CDKN2B-AS1: variants seen among roughly 807,000 people sequenced by gnomAD.
CDKN2B-AS1 encodes the protein CDKN2B and CDKN2A antisense cis and trans regulatory RNA 1.
intron 4 of CDKN2B-AS1, among the ~76,000 whole-genome samples, chr9:22,125,816 T>C (rs1235057625): frequency 6.6e-6 from 1 of 152,070 alleles, no homozygotes; most frequent in African/African-American, 2.4e-5. Flanking sequence ...GTTCAACAAA[T>C]TACAGTATAT....
At chr9:22,015,283 C>G (rs887750539) in intron 1 of CDKN2B-AS1, among the ~76,000 whole-genome samples, 12 of 151,400 alleles carry the variant, frequency 7.9e-5, no homozygotes, top group Admixed American at 3.9e-4. Context: ...TTTTTCCTGA[C>G]TTTTTTTTTC....
rs1337622486 is a variant in CDKN2B-AS1, at chr9:22,001,642, G to A, written n.29+6481G>A. On this transcript the variant is annotated intron_variant and non_coding_transcript_variant, in intron 1 of 4. Coordinates refer to ENST00000650946, the Ensembl canonical transcript of CDKN2B-AS1. This position sits in a 1 kb window ranked among gnomAD's most constrained non-coding sequence, Gnocchi z 4.2. ...ATTATGTAATTAATAGGGCCTATAT[G>A]TGAAAGTTACTGTGTTTCTGTAAAA... Among the ~76,000 whole-genome samples the A allele has an allele frequency of 6.6e-6, 1 of 152,074 alleles. No individual in the cohort carries two copies. The highest frequency in any genetic ancestry group is 6.6e-5 in the Admixed American group (1 of 15,258).
intron 4 of CDKN2B-AS1, among the ~76,000 whole-genome samples, chr9:22,059,577 T>C (rs1823725022): frequency 6.6e-6 from 1 of 152,130 alleles, no homozygotes; most frequent in African/African-American, 2.4e-5. Context: ...AGATGAATAG[T>C]GTAAGCTATT....
chr9:22,059,619 G>T (rs985151061), intron 4 of CDKN2B-AS1, among the ~76,000 whole-genome samples: 1 of 152,182 alleles, frequency 6.6e-6, no homozygotes, highest in Non-Finnish European at 1.5e-5. Flanking sequence ...TCTGAAGGAC[G>T]ATGGCCCTCT....
At chr9:22,056,311 G>C (rs1056102477) in exon 4 of CDKN2B-AS1, 4 of 149,002 alleles carry the variant, frequency 2.7e-5, no homozygotes, top group Non-Finnish European at 5.9e-5. Context: ...CTCGTGATTC[G>C]CCCGCCTCGG....
intron 1 of CDKN2B-AS1, among the ~76,000 whole-genome samples, chr9:22,014,532 G>T (rs1364201447): frequency 1.3e-5 from 2 of 152,012 alleles, no homozygotes; most frequent in Non-Finnish European, 2.9e-5. Flanking sequence ...ATGTAAGAAA[G>T]ACAGGATAAA....
chr9:22,048,845 T>C (rs747128541), intron 2 of CDKN2B-AS1, among the ~76,000 whole-genome samples: 1 of 152,174 alleles, frequency 6.6e-6, no homozygotes, highest in Non-Finnish European at 1.5e-5. Flanking sequence ...CAATGAGAAA[T>C]ATTTAATGGC....
chr9:22,033,758 G>T (rs1336152797), intron 1 of CDKN2B-AS1, among the ~76,000 whole-genome samples: 1 of 152,180 alleles, frequency 6.6e-6, no homozygotes, highest in African/African-American at 2.4e-5. Context: ...AGACTGAGGT[G>T]ATGCAGTTTC....
intron 4 of CDKN2B-AS1, among the ~76,000 whole-genome samples, chr9:22,103,061 A>C (rs1320608655): frequency 6.6e-6 from 1 of 151,900 alleles, no homozygotes; most frequent in East Asian, 1.9e-4. Flanking sequence ...TCTATCCAGA[A>C]AACTAGAAAT....
intron 1 of CDKN2B-AS1, among the ~76,000 whole-genome samples, chr9:21,998,428 T>G (rs1393261799): frequency 6.6e-6 from 1 of 152,222 alleles, no homozygotes; most frequent in Non-Finnish European, 1.5e-5. Context: ...GCTCAAATCT[T>G]GAACACTTCA....
chr9:22,075,625 C>G (rs1237228932), intron 4 of CDKN2B-AS1, among the ~76,000 whole-genome samples: 1 of 152,164 alleles, frequency 6.6e-6, no homozygotes, highest in Non-Finnish European at 1.5e-5. Flanking sequence ...TCTGTGACTT[C>G]TTTCCTGACA....
chr9:22,011,336 A>G (rs978828132), intron 1 of CDKN2B-AS1, among the ~76,000 whole-genome samples: 2 of 152,244 alleles, frequency 1.3e-5, no homozygotes, highest in East Asian at 1.9e-4. Flanking sequence ...TATAGTCTAT[A>G]TTTAGAAGAC....
intron 4 of CDKN2B-AS1, among the ~76,000 whole-genome samples, chr9:22,114,114 G>A (rs193009868): frequency 1.2e-3 from 179 of 152,276 alleles, no homozygotes; most frequent in African/African-American, 4.0e-3. Flanking sequence ...AACTTATGTA[G>A]CATCAGGTAT....
intron 4 of CDKN2B-AS1, chr9:22,118,575 C>A (rs1417056435): frequency 6.6e-6 from 1 of 152,106 alleles, no homozygotes; most frequent in Non-Finnish European, 1.5e-5. Flanking sequence ...AACTTTTTTC[C>A]CTGCAACAAA....
intron 4 of CDKN2B-AS1, among the ~76,000 whole-genome samples, chr9:22,071,703 T>C (rs975228738): frequency 6.6e-6 from 1 of 152,196 alleles, no homozygotes; most frequent in Non-Finnish European, 1.5e-5. Context: ...TTGTGGATTT[T>C]ATATACTGCT....
chr9:22,126,881 C>A (rs1038652293), intron 4 of CDKN2B-AS1, among the ~76,000 whole-genome samples: 5 of 151,708 alleles, frequency 3.3e-5, no homozygotes, highest in African/African-American at 4.8e-5. Flanking sequence ...TAAGGAGTAT[C>A]GAGAACAGTG....
intron 4 of CDKN2B-AS1, among the ~76,000 whole-genome samples, chr9:22,122,378 C>T (rs1826121115): frequency 6.6e-6 from 1 of 152,056 alleles, no homozygotes; most frequent in Non-Finnish European, 1.5e-5. Flanking sequence ...ACTTCCTTTG[C>T]TGTACAAAAG....
intron 1 of CDKN2B-AS1, among the ~76,000 whole-genome samples, chr9:22,011,310 T>G (rs770039712): frequency 2.0e-4 from 31 of 152,256 alleles, no homozygotes; most frequent in Non-Finnish European, 4.1e-4. Flanking sequence ...TAATATTCTC[T>G]GTATAAAGAA....
chr9:22,064,323 T>G (rs1380302624), intron 4 of CDKN2B-AS1, among the ~76,000 whole-genome samples: 1 of 152,098 alleles, frequency 6.6e-6, no homozygotes, highest in Admixed American at 6.5e-5. Context: ...AAGGAGCCAA[T>G]AAATTGTCAT....
Sources: gnomAD v4.1 joint callset for allele counts (sites outside exome capture counted in the v4.1 genomes callset) on GRCh38, gnomAD v4.1.1 for gene constraint, Gnocchi (gnomAD v3.1) non-coding constraint, MANE v1.5 for transcripts, NCBI Gene and HGNC (gene_info 2026-07-23, HGNC 2026-07-21) for gene names.